Variants in OPHN1 observed in about 807,000 individuals in gnomAD.
OPHN1 encodes oligophrenin-1.
Under a neutral mutation model 60.7 loss-of-function variants are expected in OPHN1, and 11 were observed. That is an observed-to-expected ratio of 0.18 (90% CI 0.11 to 0.30). OPHN1 has a LOEUF of 0.30. Among genes scored for constraint, OPHN1 ranks in the 10% least tolerant of loss-of-function variants. The pLI is 1.00. For synonymous variants in OPHN1, 226 were observed against 222.6 expected, an observed-to-expected ratio of 1.02 and a Z score of -0.14; for missense variants, 449 against 611.0, an observed-to-expected ratio of 0.73 and a Z score of 2.80.
At chrX:68,284,545 C>CA (rs2078032229) in intron 3 of OPHN1, among the ~76,000 whole-genome samples, 1 of 111,158 alleles carries the variant, frequency 9.0e-6, no homozygotes, top group African/African-American at 3.3e-5. Context: ...TATGGTGACA[C>CA]AAATGGACTG....
At chrX:68,103,730 A>T (rs867031014) in intron 18 of OPHN1, among the ~76,000 whole-genome samples, 14 of 110,954 alleles carry the variant, frequency 1.3e-4, no homozygotes, top group African/African-American at 4.6e-4. Context: ...GAATGGGCAA[A>T]AGCTGGAAGC....
intron 2 of OPHN1, among the ~76,000 whole-genome samples, chrX:68,335,867 C>T (rs868692485): frequency 2.7e-5 from 3 of 111,437 alleles, no homozygotes; most frequent in African/African-American, 3.3e-5. Flanking sequence ...GAGGTGGAGG[C>T]TGCAATGAGC....
chrX:68,393,885 G>GTTTTTTTT (rs1163192446), intron 2 of OPHN1, among the ~76,000 whole-genome samples: 1,012 of 34,597 alleles, frequency 0.029, 327 homozygotes, highest in South Asian at 0.057. Context: ...AATAGACTTT[G>GTTTTTTTT]TTTTTTTTTT....
chrX:68,100,623 T>C (rs2077054358), intron 18 of OPHN1, among the ~76,000 whole-genome samples: 1 of 111,569 alleles, frequency 9.0e-6, no homozygotes, highest in Admixed American at 9.5e-5. Flanking sequence ...ACTTGAAATC[T>C]TACATAATAA....
intron 2 of OPHN1, among the ~76,000 whole-genome samples, chrX:68,413,298 A>G: frequency 9.0e-6 from 1 of 111,680 alleles, no homozygotes; most frequent in East Asian, 2.8e-4. Context: ...CATCTCCATT[A>G]ATGTACATTA....
At chrX:68,048,248 A>G (rs1602120317) in intron 24 of OPHN1, among the ~76,000 whole-genome samples, 168 bp downstream of exon 24, 1 of 112,215 alleles carries the variant, frequency 8.9e-6, no homozygotes, top group East Asian at 2.8e-4. Flanking sequence ...CTTGGAATTG[A>G]AAGTCACTAA....
intron 2 of OPHN1, among the ~76,000 whole-genome samples, chrX:68,351,949 T>C (rs1248642358): frequency 1.0e-5 from 1 of 99,173 alleles, no homozygotes; most frequent in Non-Finnish European, 2.0e-5. Flanking sequence ...CGATCTCGGC[T>C]CACTGCAAGC....
chrX:68,069,062 G>C (rs2147365974), intron 20 of OPHN1, among the ~76,000 whole-genome samples: 1 of 111,900 alleles, frequency 8.9e-6, no homozygotes, highest in African/African-American at 3.2e-5. Context: ...GTGAATTATA[G>C]CTCAGTTTTT....
chrX:68,085,885 T>A (rs115166440), intron 19 of OPHN1, among the ~76,000 whole-genome samples: 3,250 of 111,547 alleles, frequency 0.029, 122 homozygotes, highest in African/African-American at 0.1. Flanking sequence ...CCTTTTACAA[T>A]AGCAGAAATA....
intron 2 of OPHN1, among the ~76,000 whole-genome samples, chrX:68,372,535 TCTCA>T (rs2078534639): frequency 9.0e-6 from 1 of 111,462 alleles, no homozygotes; most frequent in Admixed American, 9.6e-5. Flanking sequence ...GTCCTATCTC[TCTCA>T]TTCTTATTGT....
intron 2 of OPHN1, among the ~76,000 whole-genome samples, chrX:68,309,591 C>T (rs1431356854): frequency 8.9e-6 from 1 of 112,057 alleles, no homozygotes; most frequent in Non-Finnish European, 1.9e-5. Flanking sequence ...ATAAAATGTA[C>T]TTGCAACACC....
intron 5 of OPHN1, among the ~76,000 whole-genome samples, chrX:68,242,144 G>C (rs990891696): frequency 1.9e-5 from 2 of 106,396 alleles, no homozygotes; most frequent in Non-Finnish European, 3.9e-5. Context: ...CCAGAGCTTT[G>C]GGAGGCTAAA....
At chrX:68,287,464 C>CA (rs1242764459) in intron 3 of OPHN1, among the ~76,000 whole-genome samples, 764 of 65,019 alleles carry the variant, frequency 0.012, 2 homozygotes, top group Middle Eastern at 0.019. Context: ...AGTTCTGTCT[C>CA]AAAAAAAAAA....
Position 68,063,913 on chromosome X carries a change from TTGG to T in OPHN1, c.2096_2098del (p.Thr699del), listed in dbSNP as rs748411808. On this transcript the variant is annotated inframe_deletion, in exon 21 of 25. Transcript: ENST00000355520. Reference sequence around the variant, plus strand: ...TCTCTTTATGTGGAAAGAGGGGGTCTTGGTGGGCCCAGAGCCTGGCATGGGTCC... The same window carrying T: ...TCTCTTTATGTGGAAAGAGGGGGTCTTGGGCCCAGAGCCTGGCATGGGTCC... 3.2e-5 allele frequency: 38 copies of T among 1,187,683 alleles called. No individual in the cohort carries two copies. Among genetic ancestry groups the T allele is most frequent in the Non-Finnish European group, 3.9e-5 (34 of 883,090 alleles).
Position 68,418,626 on chromosome X carries a change from C to A in OPHN1, c.154+14241G>T, listed in dbSNP as rs372546678. On this transcript the variant is annotated intron_variant, in intron 2 of 24. Coordinates refer to ENST00000355520, the MANE Select transcript of OPHN1 (RefSeq NM_002547.3). Reference sequence around the variant, plus strand: ...GTAAAAAATTTTCCACCTCTAGGAGCCAGAAGATCTGGGTTTGAATCCCAA... The same window carrying A: ...GTAAAAAATTTTCCACCTCTAGGAGACAGAAGATCTGGGTTTGAATCCCAA... Among the ~76,000 whole-genome samples the A allele has an allele frequency of 3.6e-5, 4 of 111,840 alleles. No individual in the cohort carries two copies. The East Asian group carries it at 1.1e-3, about 32-fold the overall frequency.
intron 2 of OPHN1, among the ~76,000 whole-genome samples, chrX:68,429,713 AC>A (rs755438053): frequency 4.5e-5 from 5 of 111,297 alleles, no homozygotes; most frequent in Non-Finnish European, 9.4e-5. Flanking sequence ...ACAAAGCAAG[AC>A]CCTGTCTCTA....
intron 2 of OPHN1, among the ~76,000 whole-genome samples, chrX:68,415,016 C>CA (rs1177042282): frequency 8.9e-6 from 1 of 112,143 alleles, no homozygotes; most frequent in Non-Finnish European, 1.9e-5. Context: ...CTCAAAAGGA[C>CA]AGAGTTAAAG....
At chrX:68,195,775 T>C (rs372299609) in intron 12 of OPHN1, among the ~76,000 whole-genome samples, 1 of 111,976 alleles carries the variant, frequency 8.9e-6, no homozygotes, top group South Asian at 3.8e-4. Flanking sequence ...GGAGATATTT[T>C]TGTGCCAGCC....
At chrX:68,171,780 C>T (rs1042406679) in intron 15 of OPHN1, among the ~76,000 whole-genome samples, 8 of 110,448 alleles carry the variant, frequency 7.2e-5, no homozygotes, top group African/African-American at 2.6e-4. Context: ...AATAAACAGT[C>T]CAATCAAAAA....
Sources: allele counts gnomAD v4.1 joint callset (sites outside exome capture counted in the v4.1 genomes callset), GRCh38; gene constraint gnomAD v4.1.1; transcripts MANE v1.5; gene names NCBI Gene and HGNC (gene_info 2026-07-23, HGNC 2026-07-21).